Variants in SLC24A2 observed in about 807,000 individuals in gnomAD.
SLC24A2 encodes solute carrier family 24 member 2.
A neutral mutation model predicts 62.0 loss-of-function variants in SLC24A2; 36 were observed. The observed-to-expected ratio is 0.58, with a 90% CI of 0.44 to 0.77. The LOEUF (loss-of-function observed/expected upper bound fraction) is 0.77. Among genes scored for constraint, SLC24A2 ranks in the 30% least tolerant of loss-of-function variants. SLC24A2 has a pLI of 0.00. For synonymous variants in SLC24A2, 358 were observed against 294.0 expected, an observed-to-expected ratio of 1.22 and a Z score of -2.23; for missense variants, 846 against 817.9, an observed-to-expected ratio of 1.03 and a Z score of -0.42.
chr9:20,296,170 T>C, the SLC24A2 span, among the ~76,000 whole-genome samples: 5 of 152,248 alleles, frequency 3.3e-5, no homozygotes, highest in African/African-American at 1.2e-4. Context: ...GACTCTCAGA[T>C]GGACGGCATA....
chr9:19,558,008 A>G (rs1049392437), intron 7 of SLC24A2, among the ~76,000 whole-genome samples: 1 of 152,038 alleles, frequency 6.6e-6, no homozygotes, highest in African/African-American at 2.4e-5. Flanking sequence ...TGTAGAGACA[A>G]GATTTCACTT....
intron 2 of SLC24A2, among the ~76,000 whole-genome samples, chr9:19,637,401 T>C (rs1380224441): frequency 6.6e-6 from 1 of 152,214 alleles, no homozygotes; most frequent in Non-Finnish European, 1.5e-5. Context: ...TTCTAACTGT[T>C]GCCCGACTGT....
the SLC24A2 span, among the ~76,000 whole-genome samples, chr9:19,832,870 C>G: frequency 3.3e-5 from 5 of 152,212 alleles, no homozygotes; most frequent in African/African-American, 9.6e-5. Context: ...CCAGAATCTA[C>G]AATGAACTCA....
chr9:19,677,976 G>A (rs1045676358), intron 2 of SLC24A2, among the ~76,000 whole-genome samples: 2 of 152,020 alleles, frequency 1.3e-5, no homozygotes, highest in East Asian at 1.9e-4. Flanking sequence ...GGCATCAGAC[G>A]CCATGGAAGG....
chr9:20,041,777 G>A, the SLC24A2 span, among the ~76,000 whole-genome samples: 1 of 152,276 alleles, frequency 6.6e-6, no homozygotes, highest in Admixed American at 6.5e-5. Flanking sequence ...TAAGTAGCCA[G>A]TCGGGGGTCT....
the SLC24A2 span, among the ~76,000 whole-genome samples, chr9:19,952,658 ATT>A: frequency 3.1e-3 from 401 of 130,562 alleles, 2 homozygotes; most frequent in Middle Eastern, 0.012. Context: ...TTTGCCAAGC[ATT>A]TTTTTTTTTT....
At chr9:20,170,014 C>T in the SLC24A2 span, among the ~76,000 whole-genome samples, 3 of 151,684 alleles carry the variant, frequency 2.0e-5, no homozygotes, top group East Asian at 5.8e-4. Context: ...AAACAATTGG[C>T]ACACTTATAG....
the SLC24A2 span, among the ~76,000 whole-genome samples, chr9:19,797,063 G>GT: frequency 6.6e-6 from 1 of 151,790 alleles, no homozygotes; most frequent in Non-Finnish European, 1.5e-5. Flanking sequence ...CCTTCTCTTG[G>GT]TAAAAAGTCC....
intron 4 of SLC24A2, among the ~76,000 whole-genome samples, chr9:19,601,493 C>G (rs1217342240): frequency 1.3e-5 from 2 of 152,146 alleles, no homozygotes; most frequent in Non-Finnish European, 2.9e-5. Flanking sequence ...TCTTTAAGAG[C>G]TATAACACTC....
chr9:19,604,682 C>G lies in SLC24A2; in HGVS notation c.1079-7403G>C, dbSNP rs141240441. On this transcript the variant is annotated intron_variant, in intron 4 of 10. Coordinates refer to ENST00000341998, the MANE Select transcript of SLC24A2 (RefSeq NM_020344.4). ...CCAGCCATCCAAGAAGGGAAAAAGG[C>G]AAGAGATAAGAGAAATATGAGAGGG... Among the ~76,000 whole-genome samples, 467 of 151,900 alleles carry G rather than the reference C, an allele frequency of 3.1e-3. 6 individuals are homozygous for G. Among genetic ancestry groups the G allele is most frequent in the African/African-American group, 0.011 (451 of 41,418 alleles).
At chr9:19,858,164 C>T in the SLC24A2 span, among the ~76,000 whole-genome samples, 1 of 152,074 alleles carries the variant, frequency 6.6e-6, no homozygotes, top group Admixed American at 6.6e-5. Context: ...GACACGTAGA[C>T]CAATGGAACA....
At chr9:19,817,638 G>T in the SLC24A2 span, among the ~76,000 whole-genome samples, 1 of 152,028 alleles carries the variant, frequency 6.6e-6, no homozygotes, top group Non-Finnish European at 1.5e-5. Flanking sequence ...TTATAGCTAA[G>T]ATTTGATTAT....
intron 2 of SLC24A2, among the ~76,000 whole-genome samples, chr9:19,727,965 T>C (rs1488389544): frequency 6.6e-6 from 1 of 152,178 alleles, no homozygotes; most frequent in Non-Finnish European, 1.5e-5. Flanking sequence ...CCTGAGGACC[T>C]AAACAGCTCT....
chr9:19,846,359 T>A, the SLC24A2 span, among the ~76,000 whole-genome samples: 1 of 152,218 alleles, frequency 6.6e-6, no homozygotes, highest in Admixed American at 6.5e-5. Flanking sequence ...TTCTTTGTCC[T>A]TTTTTACTAT....
the SLC24A2 span, among the ~76,000 whole-genome samples, chr9:19,951,225 G>GTT: frequency 7.9e-6 from 1 of 126,316 alleles, no homozygotes; most frequent in Non-Finnish European, 1.7e-5. Flanking sequence ...TTTTTCTTAA[G>GTT]TTGTGTGTGT....
rs867812234 is a variant in SLC24A2 at position 19,713,979 on chromosome 9, C to T, written c.930+71958G>A. On this transcript the variant is annotated intron_variant, in intron 2 of 10. Transcript: ENST00000341998. ...GGTAGATGGTCAGAGTATTCTCCTA[C>T]AACCTGGATCTAGCCAATTATTAAA... Among the ~76,000 whole-genome samples, 22 of 152,322 alleles carry T rather than the reference C, an allele frequency of 1.4e-4. No homozygotes were observed. In the Middle Eastern group the frequency reaches 0.01, roughly 71 times the overall value.
the SLC24A2 span, among the ~76,000 whole-genome samples, chr9:19,820,039 A>ACATATATATATATATGTG: frequency 3.9e-4 from 8 of 20,670 alleles, no homozygotes; most frequent in East Asian, 8.4e-4. Context: ...ATATATATAT[A>ACATATATATATATATGTG]TACATATATA....
chr9:19,767,584 G>GT (rs1822556938), intron 2 of SLC24A2, among the ~76,000 whole-genome samples: 1 of 152,078 alleles, frequency 6.6e-6, no homozygotes, highest in East Asian at 1.9e-4. Flanking sequence ...TGCTTCCCAG[G>GT]TAAGGTGATG....
the SLC24A2 span, among the ~76,000 whole-genome samples, chr9:20,081,438 T>C: frequency 3.3e-5 from 4 of 122,998 alleles, no homozygotes; most frequent in Non-Finnish European, 4.7e-5. Flanking sequence ...TGAGAACACT[T>C]GGGCACAGGA....
Sources: allele counts gnomAD v4.1 joint callset (sites outside exome capture counted in the v4.1 genomes callset), GRCh38; gene constraint gnomAD v4.1.1; transcripts MANE v1.5; gene names NCBI Gene and HGNC (gene_info 2026-07-23, HGNC 2026-07-21).